NCOR2: variants seen among roughly 807,000 people sequenced by gnomAD.
The protein encoded by NCOR2 is CTG repeat protein 26.
A neutral mutation model predicts 262.9 loss-of-function variants in NCOR2; 81 were observed. The observed-to-expected ratio is 0.31, with a 90% confidence interval of 0.26 to 0.37. NCOR2 has a LOEUF of 0.37. Ranked by LOEUF, NCOR2 falls within the 10% of genes least tolerant of loss-of-function variation. The pLI, the probability that NCOR2 is intolerant of heterozygous loss-of-function variation, is 1.00. For missense variants in NCOR2, 3,385 were observed against 3,621.4 expected, an observed-to-expected ratio of 0.93 and a Z score of 1.68; for synonymous variants, 1,659 against 1,559.3, an observed-to-expected ratio of 1.06 and a Z score of -1.51.
rs747303856 is a variant in NCOR2 at position 124,483,563 on chromosome 12, G to C, written c.411+33C>G. On this transcript the variant is annotated intron_variant, in intron 3 of 46. Transcript: ENST00000405201. The surrounding 1 kb of genome is among the most constrained non-coding windows in gnomAD (Gnocchi z 6.3). The stretch of plus-strand genomic sequence containing the variant: ...CAACCAGCAGCAGAACCTCAAGCGG[G>C]AGAGGAGCTCCCAGCTGGGGGCCCA... 6.5e-7 allele frequency: 1 copy of C among 1,528,710 alleles called. No homozygotes were observed. Among genetic ancestry groups the C allele is most frequent in the Admixed American group, 2.1e-5 (1 of 47,368 alleles). 94.7% of individuals were successfully genotyped at this position (1,528,710 alleles called of 1,614,324 possible). A position where few individuals can be genotyped will look rare whatever the true frequency, so the allele number is the denominator to read the frequency against.
At chr12:124,404,144 C>T (rs1209105429) in intron 13 of NCOR2, among the ~76,000 whole-genome samples, 1 of 152,196 alleles carries the variant, frequency 6.6e-6, no homozygotes, top group African/African-American at 2.4e-5. Flanking sequence ...GTTTTTTTGG[C>T]TTGTTCCTAC....
At chr12:124,524,851 G>A (rs984726922) in intron 1 of NCOR2, among the ~76,000 whole-genome samples, 9 of 151,380 alleles carry the variant, frequency 5.9e-5, no homozygotes, top group Non-Finnish European at 1.2e-4. Context: ...GATAGCACTT[G>A]CTTGTTTAAC....
upstream of NCOR2, among the ~76,000 whole-genome samples, chr12:124,537,690 T>G (rs1160953853): frequency 6.6e-6 from 1 of 152,208 alleles, no homozygotes; most frequent in African/African-American, 2.4e-5. Flanking sequence ...TTGCTGGACA[T>G]GACTCCTACC....
intron 1 of NCOR2, among the ~76,000 whole-genome samples, chr12:124,563,023 T>C (rs1044987787): frequency 2.6e-5 from 4 of 152,216 alleles, no homozygotes; most frequent in African/African-American, 9.6e-5. Flanking sequence ...CATTCACAGC[T>C]TGAAGCTGCA....
rs923169931 is a variant in NCOR2, at chr12:124,517,512, G to A, written c.-118+18053C>T. Among the ~76,000 whole-genome samples the A allele has an allele frequency of 2.0e-5, 3 of 152,210 alleles. No homozygotes were observed. Among genetic ancestry groups the A allele is most frequent in the African/African-American group, 7.2e-5 (3 of 41,466 alleles). ...TGGGCACCGAGCCAAGCGCCACCTCGGTGGGGAGCCGGGCGCCGGGGCCGG... is the reference window on the plus strand; with the variant it reads ...TGGGCACCGAGCCAAGCGCCACCTCAGTGGGGAGCCGGGCGCCGGGGCCGG... On this transcript the variant is annotated intron_variant, in intron 1 of 46. Transcript: ENST00000404621. This position sits in a 1 kb window ranked among gnomAD's most constrained non-coding sequence, Gnocchi z 7.6.
rs2040163995 is a variant in NCOR2, at chr12:124,378,154, T to C, written c.2167+83A>G. On this transcript the variant is annotated intron_variant, in intron 18 of 46. Coordinates refer to ENST00000405201, the Ensembl canonical transcript of NCOR2. The surrounding 1 kb of genome is among the most constrained non-coding windows in gnomAD (Gnocchi z 4.2). ...CCAGATGACTCAGGGGAGAGGAGGC[T>C]GCCGGGATCAGTTCCCGCTATGCCC... The C allele has an allele frequency of 1.3e-6, 2 of 1,545,296 alleles. No homozygotes were observed. Among genetic ancestry groups the C allele is most frequent in the Non-Finnish European group, 1.7e-6 (2 of 1,145,552 alleles).
At chr12:124,380,353 G>A (rs1279164800) in intron 17 of NCOR2, among the ~76,000 whole-genome samples, 1 of 152,238 alleles carries the variant, frequency 6.6e-6, no homozygotes, top group Non-Finnish European at 1.5e-5. Context: ...GGAACGCAGG[G>A]AGGAAAAGGG....
In NCOR2 at chr12:124,483,782, G is replaced by A. The variant is rs1307838952; in HGVS notation, c.234-9C>T. ...GGTGGAGCTCCTGGGACCTGCAGGAGGTGAGGCATCCAACGTCACATAGGA... is the reference window on the plus strand; with the variant it reads ...GGTGGAGCTCCTGGGACCTGCAGGAAGTGAGGCATCCAACGTCACATAGGA... On this transcript the variant is annotated splice_polypyrimidine_tract_variant and intron_variant, in intron 2 of 46. Coordinates refer to ENST00000405201, the Ensembl canonical transcript of NCOR2. This position sits in a 1 kb window ranked among gnomAD's most constrained non-coding sequence, Gnocchi z 6.3. 6.3e-7 allele frequency: 1 copy of A among 1,588,534 alleles called. No individual in the cohort carries two copies. The highest frequency in any genetic ancestry group is 1.1e-5 in the South Asian group (1 of 87,532).
chr12:124,436,045 G>A (rs147033638), intron 8 of NCOR2, among the ~76,000 whole-genome samples: 78 of 152,322 alleles, frequency 5.1e-4, no homozygotes, highest in Middle Eastern at 6.8e-3. Context: ...TCGTCCTTAC[G>A]CACGACCTGT....
exon 41 of NCOR2, chr12:124,334,593 G>A (rs1301468218): frequency 9.2e-6 from 13 of 1,407,402 alleles, no homozygotes; most frequent in Admixed American, 3.3e-5. Flanking sequence ...GGGTGGTGCC[G>A]GGTGTAGTCC....
At chr12:124,325,433 G>A (rs767805948) in exon 47 of NCOR2, 18 of 1,291,380 alleles carry the variant, frequency 1.4e-5, no homozygotes, top group East Asian at 9.7e-5. Flanking sequence ...CTCGTACTGC[G>A]AGCAGAGCAG....
chr12:124,350,634 C>T (rs1331668425), exon 28 of NCOR2: 2 of 1,614,008 alleles, frequency 1.2e-6, no homozygotes, highest in South Asian at 2.2e-5. Context: ...GATGACGTGG[C>T]CCTTGGGCAG....
At chr12:124,396,816 G>T (rs971464731) in intron 16 of NCOR2, among the ~76,000 whole-genome samples, 1 of 152,292 alleles carries the variant, frequency 6.6e-6, no homozygotes, top group Middle Eastern at 3.4e-3. Context: ...ACGGGGCCGG[G>T]CCCAGGAGCC....
At chr12:124,410,768 C>T (rs1477200576) in intron 13 of NCOR2, among the ~76,000 whole-genome samples, 1 of 152,200 alleles carries the variant, frequency 6.6e-6, no homozygotes, top group Non-Finnish European at 1.5e-5. Context: ...CAGCGGCTGC[C>T]CCTCCCCAGG....
At chr12:124,402,883 C>T (rs1260369439) in intron 13 of NCOR2, among the ~76,000 whole-genome samples, 2 of 152,166 alleles carry the variant, frequency 1.3e-5, no homozygotes, top group Non-Finnish European at 2.9e-5. Flanking sequence ...AGGGTCTTAA[C>T]CTCTCTGTGC....
At chr12:124,336,456 C>A in intron 38 of NCOR2, 1 of 448,248 alleles carries the variant, frequency 2.2e-6, no homozygotes, top group Non-Finnish European at 3.4e-6. Context: ...ATGAGCGCCC[C>A]CAAACCAGAG....
rs753847203 is a variant in NCOR2, at chr12:124,397,215, G to A, written c.1876+904C>T. On this transcript the variant is annotated intron_variant, in intron 16 of 46. Coordinates refer to ENST00000405201, the Ensembl canonical transcript of NCOR2. ...GTGCTGCCAGTGATGCGCCAGCTCC[G>A]ACAGCCCCTGCCCCAGGCCAGGCAC... 5.7e-4 allele frequency among the ~76,000 whole-genome samples: 87 copies of A among 152,312 alleles called. 1 individual carries two copies. The highest frequency in any genetic ancestry group is 1.5e-3 in the Admixed American group (23 of 15,304).
At position 124,503,492 on chromosome 12, in the gene NCOR2, TGATGGATG is replaced by T. The variant is rs909286787; in HGVS notation, c.-117-8132_-117-8125del. 6.8e-4 allele frequency among the ~76,000 whole-genome samples: 101 copies of T among 147,708 alleles called. 3 individuals are homozygous for T. Among genetic ancestry groups the T allele is most frequent in the African/African-American group, 2.4e-3 (95 of 40,324 alleles). On this transcript the variant is annotated intron_variant, in intron 1 of 46. Transcript: ENST00000404621. The surrounding 1 kb of genome is among the most constrained non-coding windows in gnomAD (Gnocchi z 4.3). Reference sequence around the variant, plus strand: ...ATGGATGGATGGATGGATGATGGATTGATGGATGGATGGATGGATGGACAGAGGATGGA... The same window carrying T: ...ATGGATGGATGGATGGATGATGGATTGATGGATGGATGGACAGAGGATGGA...
intron 19 of NCOR2, among the ~76,000 whole-genome samples, chr12:124,373,709 C>G (rs2039737592): frequency 3.3e-5 from 2 of 60,048 alleles, no homozygotes; most frequent in Admixed American, 1.9e-4. Context: ...AGTGGACAAT[C>G]ATGAGGCCAG....
Sources: allele counts gnomAD v4.1 joint callset (sites outside exome capture counted in the v4.1 genomes callset), GRCh38; gene constraint gnomAD v4.1.1; non-coding constraint Gnocchi (gnomAD v3.1); transcripts MANE v1.5; gene names NCBI Gene and HGNC (gene_info 2026-07-23, HGNC 2026-07-21).